Variants in PRKG1 observed in about 807,000 individuals in gnomAD.
PRKG1 encodes protein kinase cGMP-dependent 1, also known as cGMP-dependent protein kinase 1.
A neutral mutation model predicts 88.1 loss-of-function variants in PRKG1; 35 were observed. The ratio of observed to expected loss-of-function variants is 0.40; its 90% CI spans 0.30 to 0.53. The LOEUF (loss-of-function observed/expected upper bound fraction) is 0.53. Ranked by LOEUF, PRKG1 falls within the 20% of genes least tolerant of loss-of-function variation. The pLI, the probability that PRKG1 is intolerant of heterozygous loss-of-function variation, is 0.59. For synonymous variants in PRKG1, 303 were observed against 292.5 expected (o/e 1.04, Z -0.37); for missense variants, 540 against 839.8 (o/e 0.64, Z 4.41).
rs1375959812 is a variant in PRKG1, at chr10:51,888,444, A to G, written c.699-19063A>G. On this transcript the variant is annotated intron_variant, in intron 4 of 17. Transcript: ENST00000373980. ...CACATCAACTAAAAGCATTACTTCA[A>G]CTTCTGTCTGTGCTTTCATAACCCT... Among the ~76,000 whole-genome samples, 3 of 152,178 alleles carry G rather than the reference A, an allele frequency of 2.0e-5. No homozygotes were observed. In the East Asian group the frequency reaches 5.8e-4, roughly 29 times the overall value.
chr10:51,655,273 A>G (rs1840134397), intron 3 of PRKG1, among the ~76,000 whole-genome samples: 1 of 152,160 alleles, frequency 6.6e-6, no homozygotes, highest in Non-Finnish European at 1.5e-5. Context: ...GAGAAATTTA[A>G]TATTAAAAAT....
intron 3 of PRKG1, among the ~76,000 whole-genome samples, chr10:51,804,213 T>C (rs1839246082): frequency 6.6e-6 from 1 of 152,138 alleles, no homozygotes; most frequent in Non-Finnish European, 1.5e-5. Context: ...GGGTAATTAC[T>C]AGGGTTTATT....
intron 2 of PRKG1, among the ~76,000 whole-genome samples, chr10:51,339,714 G>C (rs1299234715): frequency 6.6e-6 from 1 of 151,492 alleles, no homozygotes; most frequent in African/African-American, 2.4e-5. Context: ...TAACATCTTT[G>C]CATGTAATTA....
intron 3 of PRKG1, among the ~76,000 whole-genome samples, chr10:51,700,555 TA>T (rs1841439676): frequency 6.6e-6 from 1 of 152,096 alleles, no homozygotes; most frequent in African/African-American, 2.4e-5. Flanking sequence ...AGGTAGGAGT[TA>T]AAACATATTC....
chr10:51,735,355 G>A lies in PRKG1; in HGVS notation c.593-69230G>A, dbSNP rs555173665. ...TGTTTTATTTATGGGTAATGCATTAGGATTTATTAACAAGGAGTAAATGGT... is the reference window on the plus strand; with the variant it reads ...TGTTTTATTTATGGGTAATGCATTAAGATTTATTAACAAGGAGTAAATGGT... On this transcript the variant is annotated intron_variant, in intron 3 of 17. Coordinates refer to ENST00000373980, the MANE Select transcript of PRKG1 (RefSeq NM_006258.4). Among the ~76,000 whole-genome samples, 6 of 152,144 alleles carry A rather than the reference G, an allele frequency of 3.9e-5. No individual in the cohort carries two copies. In the East Asian group the frequency reaches 1.2e-3, roughly 29 times the overall value.
intron 5 of PRKG1, among the ~76,000 whole-genome samples, chr10:51,931,209 C>T (rs1842688125): frequency 6.6e-6 from 1 of 152,138 alleles, no homozygotes. Context: ...CTGGATTGAA[C>T]CTATTATTAG....
At chr10:51,125,763 A>C (rs991716291) in intron 1 of PRKG1, among the ~76,000 whole-genome samples, 2 of 145,546 alleles carry the variant, frequency 1.4e-5, no homozygotes, top group African/African-American at 5.0e-5. Context: ...TATAAAAATT[A>C]TATATTTTTA....
chr10:51,650,559 T>G (rs904039829), intron 3 of PRKG1, among the ~76,000 whole-genome samples: 1 of 152,222 alleles, frequency 6.6e-6, no homozygotes, highest in African/African-American at 2.4e-5. Flanking sequence ...TTGCCTTATT[T>G]GTTAATGTAT....
At chr10:51,626,080 C>T (rs1297247185) in intron 3 of PRKG1, among the ~76,000 whole-genome samples, 1 of 152,150 alleles carries the variant, frequency 6.6e-6, no homozygotes, top group Non-Finnish European at 1.5e-5. Context: ...TTACAGGCAT[C>T]TTATGTGATC....
chr10:51,856,966 T>A (rs1412992840), intron 4 of PRKG1, among the ~76,000 whole-genome samples: 4 of 96,786 alleles, frequency 4.1e-5, no homozygotes, highest in East Asian at 2.4e-4. Context: ...TCCGTCTTAC[T>A]AAAAAAAAGA....
intron 9 of PRKG1, among the ~76,000 whole-genome samples, chr10:52,165,486 A>C (rs1838409760): frequency 1.3e-5 from 2 of 152,172 alleles, no homozygotes; most frequent in East Asian, 3.8e-4. Context: ...AAAATCTGGG[A>C]TATTTCTGTT....
intron 3 of PRKG1, among the ~76,000 whole-genome samples, chr10:51,644,246 T>C (rs1030190621): frequency 6.6e-6 from 1 of 152,206 alleles, no homozygotes; most frequent in Non-Finnish European, 1.5e-5. Flanking sequence ...ATCTAAACTC[T>C]GGATCAAGAT....
At chr10:52,000,143 T>C (rs1265293744) in intron 5 of PRKG1, among the ~76,000 whole-genome samples, 1 of 152,044 alleles carries the variant, frequency 6.6e-6, no homozygotes, top group Non-Finnish European at 1.5e-5. Flanking sequence ...TCCACATTTA[T>C]GGGAGATAAT....
intron 3 of PRKG1, among the ~76,000 whole-genome samples, chr10:51,716,619 C>T (rs1025494655): frequency 5.3e-5 from 8 of 152,188 alleles, no homozygotes; most frequent in Non-Finnish European, 1.2e-4. Flanking sequence ...ACAAGTTCTT[C>T]ATTGCCTGAT....
chr10:51,821,910 T>A (rs1315248861), intron 4 of PRKG1, among the ~76,000 whole-genome samples: 1 of 151,960 alleles, frequency 6.6e-6, no homozygotes, highest in East Asian at 1.9e-4. Context: ...CTCAAAAAAT[T>A]AAAAATAGAA....
intron 5 of PRKG1, among the ~76,000 whole-genome samples, chr10:52,016,280 G>A (rs78637046): frequency 0.045 from 6,835 of 152,284 alleles, 373 homozygotes; most frequent in African/African-American, 0.13. Context: ...ATGGCAGAAG[G>A]CAAAGAGGAA....
At chr10:51,222,670 G>T (rs1285027703) in intron 2 of PRKG1, among the ~76,000 whole-genome samples, 1 of 151,992 alleles carries the variant, frequency 6.6e-6, no homozygotes, top group Non-Finnish European at 1.5e-5. Flanking sequence ...TGGCTTTATG[G>T]TTCTAGATAT....
chr10:51,779,450 G>A (rs994489465), intron 3 of PRKG1, among the ~76,000 whole-genome samples: 3 of 152,100 alleles, frequency 2.0e-5, no homozygotes, highest in Non-Finnish European at 2.9e-5. Context: ...TATTAAGTGT[G>A]AATGATTGAG....
intron 5 of PRKG1, among the ~76,000 whole-genome samples, chr10:51,963,664 T>C (rs1843500366): frequency 6.6e-6 from 1 of 151,922 alleles, no homozygotes. Flanking sequence ...GCCAGGCTGG[T>C]CTCGAACTCC....
Sources: gnomAD v4.1 joint callset for allele counts (sites outside exome capture counted in the v4.1 genomes callset) on GRCh38, gnomAD v4.1.1 for gene constraint, MANE v1.5 for transcripts, NCBI Gene and HGNC (gene_info 2026-07-23, HGNC 2026-07-21) for gene names.